ZMYND11: variants seen among roughly 807,000 people sequenced by gnomAD.
The protein encoded by ZMYND11 is zinc finger MYND-type containing 11.
Under a neutral mutation model 84.9 loss-of-function variants are expected in ZMYND11, and 9 were observed. The ratio of observed to expected loss-of-function variants is 0.11; its 90% CI spans 0.06 to 0.18. The LOEUF (loss-of-function observed/expected upper bound fraction) is 0.18. Ranked by LOEUF, ZMYND11 falls within the 10% of genes least tolerant of loss-of-function variation. The pLI is 1.00. For synonymous variants in ZMYND11, 250 were observed against 244.1 expected, an observed-to-expected ratio of 1.02 and a Z score of -0.23; for missense variants, 409 against 761.0, an observed-to-expected ratio of 0.54 and a Z score of 5.44.
intron 1 of ZMYND11, among the ~76,000 whole-genome samples, chr10:142,293 A>G (rs1391882090): frequency 2.0e-5 from 3 of 152,114 alleles, no homozygotes; most frequent in East Asian, 3.9e-4. Context: ...GGGTTTCACC[A>G]TGTTACCCAC....
At chr10:246,712 A>AC in intron 10 of ZMYND11, 54 bp from the exon 11 acceptor site, 1 of 1,567,436 alleles carries the variant, frequency 6.4e-7, no homozygotes, top group Non-Finnish European at 8.7e-7. Context: ...CTCTTTTACC[A>AC]CCCTTCCTGC....
At chr10:201,200 G>A (rs937206282) in intron 2 of ZMYND11, among the ~76,000 whole-genome samples, 7 of 152,104 alleles carry the variant, frequency 4.6e-5, no homozygotes, top group African/African-American at 1.7e-4. Context: ...GTCTTAAGGT[G>A]TTTATCCAGA....
At chr10:209,272 A>G (rs141297012) in intron 2 of ZMYND11, among the ~76,000 whole-genome samples, 11 of 152,292 alleles carry the variant, frequency 7.2e-5, no homozygotes, top group Middle Eastern at 3.4e-3. Flanking sequence ...TTTGTTTTAA[A>G]AAAATACCTT....
At chr10:163,783 G>C (rs1843422561) in intron 1 of ZMYND11, among the ~76,000 whole-genome samples, 1 of 152,028 alleles carries the variant, frequency 6.6e-6, no homozygotes, top group African/African-American at 2.4e-5. Flanking sequence ...TTAAGGGTGA[G>C]ACACTAGAAA....
chr10:190,639 T>C (rs1482216728), intron 2 of ZMYND11, among the ~76,000 whole-genome samples: 2 of 152,230 alleles, frequency 1.3e-5, no homozygotes, highest in Non-Finnish European at 2.9e-5. Context: ...AGCAAGGCAT[T>C]TGTACAAAGC....
At chr10:243,303 A>C (rs1951423991) in intron 10 of ZMYND11, among the ~76,000 whole-genome samples, 1 of 152,192 alleles carries the variant, frequency 6.6e-6, no homozygotes, top group African/African-American at 2.4e-5. Flanking sequence ...AATACAACAG[A>C]TATTCAAGGA....
intron 1 of ZMYND11, among the ~76,000 whole-genome samples, chr10:175,200 T>G (rs960228100): frequency 2.6e-5 from 4 of 152,314 alleles, no homozygotes; most frequent in Middle Eastern, 3.4e-3. Context: ...GCATGTGCAT[T>G]TGTGGGGCCA....
intron 1 of ZMYND11, among the ~76,000 whole-genome samples, chr10:149,341 C>T (rs868957600): frequency 1.2e-4 from 18 of 148,320 alleles, no homozygotes; most frequent in South Asian, 4.3e-4. Context: ...AGACCAGTCT[C>T]GCTCTGTCGC....
intron 2 of ZMYND11, among the ~76,000 whole-genome samples, chr10:196,069 T>TAA (rs1941658340): frequency 6.6e-6 from 1 of 152,216 alleles, no homozygotes; most frequent in South Asian, 2.1e-4. Flanking sequence ...GGTCTATTGA[T>TAA]GACCCATTCC....
At chr10:171,884 C>T (rs1554765807) in intron 1 of ZMYND11, among the ~76,000 whole-genome samples, 1 of 152,206 alleles carries the variant, frequency 6.6e-6, no homozygotes, top group African/African-American at 2.4e-5. Flanking sequence ...AGCTGTCTTA[C>T]TCTATTCCTG....
chr10:235,142 CATTTT>C (rs1222272753), intron 4 of ZMYND11, among the ~76,000 whole-genome samples: 1 of 152,176 alleles, frequency 6.6e-6, no homozygotes, highest in Non-Finnish European at 1.5e-5. Context: ...TATATAATTT[CATTTT>C]GTCAATTAAA....
intron 2 of ZMYND11, among the ~76,000 whole-genome samples, chr10:196,496 A>T (rs1168907119): frequency 6.6e-6 from 1 of 152,206 alleles, no homozygotes; most frequent in Non-Finnish European, 1.5e-5. Flanking sequence ...AAAATACATG[A>T]TATTACAATT....
In ZMYND11 at chr10:175,328, G is replaced by A. The variant is rs374948313; in HGVS notation, c.-19-4666G>A. 1.0e-3 allele frequency among the ~76,000 whole-genome samples: 158 copies of A among 152,288 alleles called. 2 individuals carry two copies. In the South Asian group the frequency reaches 0.031, roughly 30 times the overall value. ...AAAGTAATTCTCCCCAGCACTTTGC[G>A]AGGCCTAGGTGGGCGGATCACCTGA... is the stretch of plus-strand genomic sequence containing the variant. On this transcript the variant is annotated intron_variant, in intron 1 of 14. Coordinates refer to ENST00000381604, the MANE Select transcript of ZMYND11 (RefSeq NM_001370100.5).
At chr10:221,413 G>C (rs748662504) in intron 4 of ZMYND11, 57 bp downstream of exon 4, 12 of 1,547,972 alleles carry the variant, frequency 7.8e-6, no homozygotes, top group Non-Finnish European at 1.1e-5. Context: ...ATTCATAATA[G>C]CTTCAAAAAG....
intron 2 of ZMYND11, among the ~76,000 whole-genome samples, chr10:194,465 A>G (rs1362346317): frequency 6.6e-6 from 1 of 152,222 alleles, no homozygotes; most frequent in African/African-American, 2.4e-5. Context: ...AGGCTATGTG[A>G]TAAGTGTATG....
intron 6 of ZMYND11, 41 bp from the exon 7 acceptor site, chr10:239,397 C>G: frequency 6.5e-7 from 1 of 1,540,486 alleles, no homozygotes; most frequent in African/African-American, 1.4e-5. Flanking sequence ...AGTATTTTTA[C>G]TGGTAACTCT....
chr10:180,860 C>A (rs903008935), intron 2 of ZMYND11, among the ~76,000 whole-genome samples: 12 of 152,182 alleles, frequency 7.9e-5, no homozygotes, highest in African/African-American at 2.2e-4. Context: ...GAATTTTTAA[C>A]AATTTCCTTC....
In ZMYND11 at chr10:246,761, C is replaced by T. The variant is rs775978674; in HGVS notation, c.951-5C>T. 6.2e-7 allele frequency: 1 copy of T among 1,613,928 alleles called. No individual in the cohort carries two copies. The highest frequency in any genetic ancestry group is 1.7e-5 in the Admixed American group (1 of 60,018). ...TCTAACTATACCTTTATGTGTTTTT[C>T]CTAGGGCCTGGATTCCTTCTGAAAA... On this transcript the variant is annotated splice_polypyrimidine_tract_variant and splice_region_variant and intron_variant, in intron 10 of 14. Transcript: ENST00000381604.
At chr10:134,623 ATGT>A (rs199921348), upstream of ZMYND11, 11 of 152,270 alleles carry the variant, frequency 7.2e-5, no homozygotes, top group East Asian at 2.1e-3. Flanking sequence ...TACCTAAACA[ATGT>A]TGTTAAGAGA....
Sources: allele counts gnomAD v4.1 joint callset (sites outside exome capture counted in the v4.1 genomes callset), GRCh38; gene constraint gnomAD v4.1.1; transcripts MANE v1.5; gene names NCBI Gene and HGNC (gene_info 2026-07-23, HGNC 2026-07-21).